The following TMCO4 variants were observed in gnomAD, a reference collection of about 807,000 sequenced individuals.
TMCO4 encodes transmembrane and coiled-coil domain-containing protein 4.
In TMCO4, 58 loss-of-function variants were observed where a neutral mutation model predicts 64.7. The observed-to-expected ratio is 0.90, with a 90% CI of 0.73 to 1.12. The LOEUF is 1.12. Among genes scored for constraint, TMCO4 ranks in the 50% most tolerant of loss-of-function variants. TMCO4 has a pLI of 0.00. For missense variants in TMCO4, 780 were observed against 825.9 expected, an observed-to-expected ratio of 0.94 and a Z score of 0.68; for synonymous variants, 325 against 346.1, an observed-to-expected ratio of 0.94 and a Z score of 0.68.
intron 13 of TMCO4, among the ~76,000 whole-genome samples, chr1:19,727,971 A>T (rs775981596): frequency 1.3e-5 from 2 of 152,214 alleles, no homozygotes; most frequent in Non-Finnish European, 2.9e-5. Context: ...ACCAAATACC[A>T]TACGTTCTCA....
At chr1:19,723,816 G>A (rs2095396813) in intron 13 of TMCO4, among the ~76,000 whole-genome samples, 1 of 152,134 alleles carries the variant, frequency 6.6e-6, no homozygotes, top group Non-Finnish European at 1.5e-5. Context: ...CAATCTGTGA[G>A]AGGAGGGTGA....
intron 13 of TMCO4, among the ~76,000 whole-genome samples, chr1:19,731,825 C>T (rs909594983): frequency 2.2e-4 from 33 of 152,182 alleles, no homozygotes; most frequent in African/African-American, 4.6e-4. Flanking sequence ...AGGTCACACT[C>T]GAGTGCTTGG....
At chr1:19,719,745 G>A (rs970125703) in intron 13 of TMCO4, among the ~76,000 whole-genome samples, 1 of 152,114 alleles carries the variant, frequency 6.6e-6, no homozygotes, top group Non-Finnish European at 1.5e-5. Flanking sequence ...TGTAATCCCA[G>A]CATTTTGGGA....
chr1:19,722,286 T>G (rs957357233), intron 13 of TMCO4, among the ~76,000 whole-genome samples: 3 of 152,220 alleles, frequency 2.0e-5, no homozygotes, highest in Non-Finnish European at 4.4e-5. Context: ...GATAAGATGT[T>G]CTAGCAGTGC....
intron 2 of TMCO4, among the ~76,000 whole-genome samples, chr1:19,791,625 G>A (rs1557633169): frequency 1.3e-5 from 2 of 152,242 alleles, no homozygotes; most frequent in Non-Finnish European, 2.9e-5. Flanking sequence ...AAGTGTGTCT[G>A]AGAAGTTACA....
intron 3 of TMCO4, among the ~76,000 whole-genome samples, chr1:19,786,318 C>T (rs1557624611): frequency 6.6e-6 from 1 of 152,118 alleles, no homozygotes; most frequent in South Asian, 2.1e-4. Context: ...GTGATAAACA[C>T]CATGACAGGG....
At chr1:19,774,382 A>G (rs1238133067) in intron 4 of TMCO4, among the ~76,000 whole-genome samples, 1 of 152,116 alleles carries the variant, frequency 6.6e-6, no homozygotes, top group African/African-American at 2.4e-5. Context: ...AAGTGACTTC[A>G]CCTCTCTGGG....
chr1:19,695,033 CG>C (rs1268077003), intron 14 of TMCO4, among the ~76,000 whole-genome samples: 3 of 152,116 alleles, frequency 2.0e-5, no homozygotes, highest in African/African-American at 7.2e-5. Context: ...GGGGTCTAGG[CG>C]ACCTATCTGT....
intron 8 of TMCO4, 145 bp downstream of exon 8, chr1:19,747,018 A>C (rs2041824115): frequency 1.5e-5 from 11 of 757,574 alleles, no homozygotes; most frequent in Non-Finnish European, 2.5e-5. Flanking sequence ...GCTGATGAGC[A>C]CACCGACTAC....
At chr1:19,736,202 G>A (rs935184495) in intron 13 of TMCO4, among the ~76,000 whole-genome samples, 2 of 152,196 alleles carry the variant, frequency 1.3e-5, no homozygotes, top group African/African-American at 2.4e-5. Flanking sequence ...GTAAAGGCAC[G>A]TCGTACATGG....
Position 19,771,324 on chromosome 1 carries a change from G to T in TMCO4, c.338C>A (p.Pro113Gln). The change falls in exon 5 of 16, where the codon CCG becomes CAG. Residue 113 changes from proline to glutamine, a missense_variant. By Grantham distance (76) the Pro-to-Gln change is moderately conservative. Coordinates refer to ENST00000294543, the MANE Select transcript of TMCO4 (RefSeq NM_181719.7). ...LLKDPILKDDPTVITQDLLSF... is the reference protein window; with the variant it reads ...LLKDPILKDDQTVITQDLLSF... ...TGGGTGTACCTGAGTGATCACCGTC[G>T]GGTCGTCCTTCAAGATGGGGTCCTT... 6.2e-7 allele frequency: 1 copy of T among 1,613,968 alleles called. No individual in the cohort carries two copies. The highest frequency in any genetic ancestry group is 1.1e-5 in the South Asian group (1 of 91,036).
chr1:19,737,324 G>A (rs2095459203), intron 13 of TMCO4, 48 bp downstream of exon 13: 1 of 1,577,574 alleles, frequency 6.3e-7, no homozygotes, highest in South Asian at 1.1e-5. Context: ...CTGTCCCTGG[G>A]AACAAGCTTG....
chr1:19,772,227 C>T (rs1421418797), intron 4 of TMCO4, among the ~76,000 whole-genome samples: 3 of 152,152 alleles, frequency 2.0e-5, no homozygotes, highest in African/African-American at 7.2e-5. Context: ...AGCCCCGGAT[C>T]CACCTGCAGA....
rs2095111776 is a variant in TMCO4, at chr1:19,682,708, T to C, written c.*332A>G. On this transcript the variant is annotated 3_prime_UTR_variant, in exon 16 of 16. Transcript: ENST00000294543. ...GGGACCTCCTGATGGACAGCCAGACTCCAAAGCTATGAGAAGTACAGAAAG... is the reference window on the plus strand; with the variant it reads ...GGGACCTCCTGATGGACAGCCAGACCCCAAAGCTATGAGAAGTACAGAAAG... 1.4e-6 allele frequency: 1 copy of C among 717,742 alleles called. No homozygotes were observed. The highest frequency in any genetic ancestry group is 1.7e-5 in the African/African-American group (1 of 57,354). The allele number at this position is 717,742 out of a possible 1,614,324, so 44.5% of individuals were successfully genotyped here.
In TMCO4 at chr1:19,747,162, C is replaced by A. The variant is rs758989393; in HGVS notation, c.613+1G>T. On this transcript the variant is annotated splice_donor_variant, in intron 8 of 15. Transcript: ENST00000294543. LOFTEE classifies it high-confidence loss of function. ...GTGCCACCATCTCTAGCTGGACTCA[C>A]CGATCACCGTTCCGCCTCCGACAGT... 2 of 1,613,878 alleles carry A rather than the reference C, an allele frequency of 1.2e-6. No homozygotes were observed. The highest frequency in any genetic ancestry group is 1.7e-6 in the Non-Finnish European group (2 of 1,179,824).
At chr1:19,744,501 T>G (rs2041674832) in intron 10 of TMCO4, among the ~76,000 whole-genome samples, 1 of 152,192 alleles carries the variant, frequency 6.6e-6, no homozygotes, top group East Asian at 1.9e-4. Context: ...CAACACATAC[T>G]GATCTCTCAC....
chr1:19,742,534 A>C (rs2095484291), intron 10 of TMCO4, among the ~76,000 whole-genome samples: 4 of 152,192 alleles, frequency 2.6e-5, no homozygotes, highest in Admixed American at 2.0e-4. Flanking sequence ...ACCCTGTCTC[A>C]GCTCTGCAAC....
intron 7 of TMCO4, among the ~76,000 whole-genome samples, chr1:19,751,144 G>A (rs990238043): frequency 1.3e-5 from 2 of 152,144 alleles, no homozygotes; most frequent in Non-Finnish European, 2.9e-5. Flanking sequence ...GCTTGCCCTG[G>A]GCTTGGAAAC....
chr1:19,737,810 C>T (rs1047614610), intron 12 of TMCO4, among the ~76,000 whole-genome samples: 11 of 152,264 alleles, frequency 7.2e-5, no homozygotes, highest in African/African-American at 2.2e-4. Context: ...ATCTGCCTTG[C>T]GGCAAATGGC....
Sources: gnomAD v4.1 joint callset for allele counts (sites outside exome capture counted in the v4.1 genomes callset) on GRCh38, gnomAD v4.1.1 for gene constraint, MANE v1.5 for transcripts, NCBI Gene and HGNC (gene_info 2026-07-23, HGNC 2026-07-21) for gene names.